SENP7: variants seen among roughly 807,000 people sequenced by gnomAD.
The protein encoded by SENP7 is SUMO specific peptidase 7, also known as sentrin-specific protease 7.
In SENP7, 64 loss-of-function variants were observed where a neutral mutation model predicts 141.2. The ratio of observed to expected loss-of-function variants is 0.45; its 90% CI spans 0.37 to 0.56. The LOEUF is 0.56. Among genes scored for constraint, SENP7 ranks in the 20% least tolerant of loss-of-function variants. SENP7 has a pLI of 0.00. For synonymous variants in SENP7, 382 were observed against 426.4 expected (o/e 0.90, Z 1.28); for missense variants, 1,025 against 1,212.2 (o/e 0.85, Z 2.29).
chr3:101,446,882 G>A (rs1016132216), intron 4 of SENP7, among the ~76,000 whole-genome samples: 45 of 151,738 alleles, frequency 3.0e-4, no homozygotes, highest in African/African-American at 1.1e-3. Context: ...AACATAACGA[G>A]AATTAGTAGG....
intron 5 of SENP7, among the ~76,000 whole-genome samples, chr3:101,410,343 G>C (rs944598337): frequency 6.6e-6 from 1 of 152,122 alleles, no homozygotes; most frequent in Non-Finnish European, 1.5e-5. Flanking sequence ...TGTAAACTAG[G>C]ACAACCACTG....
chr3:101,438,647 C>A lies in SENP7; in HGVS notation c.284+20308G>T, dbSNP rs558130791. Among the ~76,000 whole-genome samples the A allele has an allele frequency of 2.0e-5, 3 of 152,214 alleles. No individual in the cohort carries two copies. In the South Asian group the frequency reaches 6.2e-4, roughly 32 times the overall value. On this transcript the variant is annotated intron_variant, in intron 4 of 23. Coordinates refer to ENST00000394095, the MANE Select transcript of SENP7 (RefSeq NM_020654.5). Reference sequence around the variant, plus strand: ...TTTAGTACACTTGTCCAAAAGCATACAAATTTATATTTAAAATAGATACAT... The same window carrying A: ...TTTAGTACACTTGTCCAAAAGCATAAAAATTTATATTTAAAATAGATACAT...
chr3:101,378,640 A>G (rs969556579), intron 6 of SENP7, among the ~76,000 whole-genome samples: 2 of 152,164 alleles, frequency 1.3e-5, no homozygotes, highest in Non-Finnish European at 2.9e-5. Flanking sequence ...GAAAAATGCA[A>G]AGCAATAATG....
intron 13 of SENP7, 46 bp downstream of exon 13, chr3:101,347,826 G>T: frequency 6.4e-6 from 6 of 932,562 alleles, no homozygotes; most frequent in Admixed American, 6.1e-5. Flanking sequence ...AACTATTTAT[G>T]ACAATTTCAA....
chr3:101,470,438 G>C (rs1449994024), intron 3 of SENP7, among the ~76,000 whole-genome samples: 8 of 152,118 alleles, frequency 5.3e-5, no homozygotes, highest in Non-Finnish European at 1.0e-4. Flanking sequence ...AAAGGCCTTT[G>C]ACAAAATTAA....
chr3:101,469,959 C>T (rs999815673), intron 3 of SENP7, among the ~76,000 whole-genome samples: 3 of 151,918 alleles, frequency 2.0e-5, no homozygotes, highest in African/African-American at 7.2e-5. Flanking sequence ...AAGTGAACAA[C>T]TTGCTCCTGA....
intron 6 of SENP7, among the ~76,000 whole-genome samples, chr3:101,374,882 A>G (rs543025254): frequency 3.3e-5 from 5 of 152,254 alleles, no homozygotes; most frequent in African/African-American, 9.6e-5. Context: ...TTAAAGGATT[A>G]ATACTGATAA....
chr3:101,468,415 C>T (rs1023111296), intron 3 of SENP7, among the ~76,000 whole-genome samples: 1 of 152,088 alleles, frequency 6.6e-6, no homozygotes, highest in Non-Finnish European at 1.5e-5. Context: ...GTCAGATTCA[C>T]CAAGGCTGAA....
rs772839341 is a variant in SENP7, at chr3:101,337,639, G to A, written c.2358-8C>T. ...TTCTCCAATATAAGATACCTGTAAA[G>A]TAGTAACCCCACAAAAGTAAATTAT... On this transcript the variant is annotated splice_region_variant and splice_polypyrimidine_tract_variant and intron_variant, in intron 16 of 23. Coordinates refer to ENST00000394095, the MANE Select transcript of SENP7 (RefSeq NM_020654.5). 18 of 1,551,786 alleles carry A rather than the reference G, an allele frequency of 1.2e-5. No individual in the cohort carries two copies. Among genetic ancestry groups the A allele is most frequent in the Non-Finnish European group, 1.6e-5 (18 of 1,152,484 alleles).
At chr3:101,463,380 T>A (rs13317304) in intron 3 of SENP7, among the ~76,000 whole-genome samples, 33 of 72,142 alleles carry the variant, frequency 4.6e-4, no homozygotes, top group African/African-American at 2.0e-3. Flanking sequence ...TATATATATA[T>A]ATATATATAT....
intron 4 of SENP7, among the ~76,000 whole-genome samples, chr3:101,427,580 T>G (rs1186308217): frequency 6.6e-6 from 1 of 151,964 alleles, no homozygotes; most frequent in African/African-American, 2.4e-5. Flanking sequence ...AAAATTAAAT[T>G]TCTGTGGGAC....
intron 6 of SENP7, among the ~76,000 whole-genome samples, chr3:101,392,573 T>A (rs1187832416): frequency 6.6e-6 from 1 of 152,150 alleles, no homozygotes; most frequent in Non-Finnish European, 1.5e-5. Context: ...TATCCCAAGC[T>A]CATGGATTAG....
chr3:101,363,506 ATGT>A (rs2059954842), intron 10 of SENP7, among the ~76,000 whole-genome samples: 1 of 152,194 alleles, frequency 6.6e-6, no homozygotes, highest in Admixed American at 6.5e-5. Flanking sequence ...TCCACAAGAT[ATGT>A]TATTTTCTTA....
chr3:101,404,999 C>A (rs543288157), intron 5 of SENP7, among the ~76,000 whole-genome samples: 2 of 152,260 alleles, frequency 1.3e-5, no homozygotes, highest in African/African-American at 4.8e-5. Flanking sequence ...TTTCTTGCCT[C>A]CAGAATTGGG....
intron 4 of SENP7, among the ~76,000 whole-genome samples, chr3:101,446,063 G>A (rs1259402994): frequency 6.6e-6 from 1 of 152,160 alleles, no homozygotes; most frequent in Non-Finnish European, 1.5e-5. Context: ...GGGGGAGAAT[G>A]TCTCCCTTGA....
chr3:101,367,812 C>G lies in SENP7; in HGVS notation c.978+18G>C. The G allele has an allele frequency of 6.8e-7, 1 of 1,465,052 alleles. No individual in the cohort carries two copies. Among genetic ancestry groups the G allele is most frequent in the South Asian group, 1.3e-5 (1 of 76,428 alleles). The allele number at this position is 1,465,052 out of a possible 1,614,324, so 90.8% of individuals were successfully genotyped here. ...AGCATGAAATTATTTCCTATAATATCTAAATACCTCTACTTACTGTCTGTT... is the reference window on the plus strand; with the variant it reads ...AGCATGAAATTATTTCCTATAATATGTAAATACCTCTACTTACTGTCTGTT... On this transcript the variant is annotated intron_variant, in intron 8 of 23. Transcript: ENST00000394095.
chr3:101,370,208 C>T (rs916512618), intron 7 of SENP7, among the ~76,000 whole-genome samples: 3 of 152,114 alleles, frequency 2.0e-5, no homozygotes, highest in African/African-American at 7.2e-5. Context: ...GTCTAAAATG[C>T]CACTGTGATC....
intron 4 of SENP7, among the ~76,000 whole-genome samples, chr3:101,438,819 C>T (rs1424123184): frequency 2.8e-5 from 4 of 144,260 alleles, no homozygotes; most frequent in Non-Finnish European, 3.1e-5. Flanking sequence ...TCGGTCTTTG[C>T]CGCCGCGCCG....
intron 3 of SENP7, among the ~76,000 whole-genome samples, chr3:101,488,697 C>T (rs1209638633): frequency 1.3e-5 from 2 of 152,140 alleles, no homozygotes; most frequent in African/African-American, 4.8e-5. Context: ...AAAAAATTAG[C>T]TGGGCATGGC....
Sources: gnomAD v4.1 joint callset for allele counts (sites outside exome capture counted in the v4.1 genomes callset) on GRCh38, gnomAD v4.1.1 for gene constraint, MANE v1.5 for transcripts, NCBI Gene and HGNC (gene_info 2026-07-23, HGNC 2026-07-21) for gene names.